The following DPP6 variants were observed in gnomAD, a reference collection of about 807,000 sequenced individuals.
DPP6 encodes dipeptidyl peptidase like 6.
In DPP6, 69 loss-of-function variants were observed where a neutral mutation model predicts 122.6. The ratio of observed to expected loss-of-function variants is 0.56; its 90% CI spans 0.46 to 0.69. The LOEUF is 0.69. Ranked by LOEUF, DPP6 falls within the 30% of genes least tolerant of loss-of-function variation. The pLI, the probability that DPP6 is intolerant of heterozygous loss-of-function variation, is 0.00. For missense variants in DPP6, 928 were observed against 1,116.9 expected (o/e 0.83, Z 2.41); for synonymous variants, 418 against 433.1 (o/e 0.97, Z 0.43).
intron 1 of DPP6, among the ~76,000 whole-genome samples, chr7:154,236,135 G>A (rs546048323): frequency 2.0e-5 from 3 of 152,252 alleles, no homozygotes; most frequent in African/African-American, 7.2e-5. Context: ...TTACAGATGT[G>A]AGCCACTGTG....
chr7:154,113,137 G>C (rs1159525594), intron 1 of DPP6, among the ~76,000 whole-genome samples: 1 of 152,220 alleles, frequency 6.6e-6, no homozygotes, highest in Non-Finnish European at 1.5e-5. Context: ...TGAGCATTTA[G>C]ATGGTTTCCA....
chr7:154,751,089 C>G (rs981831150), intron 8 of DPP6, among the ~76,000 whole-genome samples: 14 of 152,276 alleles, frequency 9.2e-5, no homozygotes, highest in Middle Eastern at 3.4e-3. Context: ...GCACCAAAAT[C>G]ATGGAGGTGT....
intron 8 of DPP6, among the ~76,000 whole-genome samples, chr7:154,732,120 G>T (rs2131379354): frequency 6.6e-6 from 1 of 151,820 alleles, no homozygotes; most frequent in Middle Eastern, 3.4e-3. Flanking sequence ...CTCACTGCAA[G>T]CTCCGCCTCC....
the DPP6 span, among the ~76,000 whole-genome samples, chr7:153,776,111 C>T: frequency 6.6e-6 from 1 of 152,018 alleles, no homozygotes; most frequent in African/African-American, 2.4e-5. Context: ...TAACTACCCA[C>T]AAAATTGGAA....
At chr7:154,479,557 C>CAAAAAAAA (rs35103324) in intron 3 of DPP6, among the ~76,000 whole-genome samples, 3 of 91,212 alleles carry the variant, frequency 3.3e-5, no homozygotes, top group Non-Finnish European at 4.2e-5. Flanking sequence ...GACTCCATCT[C>CAAAAAAAA]AAAAAAAAAA....
At chr7:154,295,677 C>T (rs1805492251) in intron 1 of DPP6, among the ~76,000 whole-genome samples, 1 of 152,146 alleles carries the variant, frequency 6.6e-6, no homozygotes, top group Non-Finnish European at 1.5e-5. Context: ...CTTCCCCTCC[C>T]TACCCTCAGT....
the DPP6 span, among the ~76,000 whole-genome samples, chr7:153,793,149 T>C: frequency 1.2e-3 from 183 of 152,092 alleles, no homozygotes; most frequent in African/African-American, 4.2e-3. Flanking sequence ...GGAAGTGACA[T>C]TGGAACTGGG....
At chr7:154,425,535 G>C (rs2201135) in intron 1 of DPP6, among the ~76,000 whole-genome samples, 118,214 of 151,576 alleles carry the variant, frequency 0.78, 46,172 homozygotes, top group East Asian at 0.86. Context: ...GTTGATACAT[G>C]CAGGAGTGTG....
At chr7:154,292,780 A>G (rs905441581) in intron 1 of DPP6, among the ~76,000 whole-genome samples, 28 of 152,326 alleles carry the variant, frequency 1.8e-4, no homozygotes, top group African/African-American at 6.7e-4. Flanking sequence ...CCAATAGCTC[A>G]TAGGAAATCG....
At chr7:154,594,868 G>T (rs1832998835) in intron 5 of DPP6, among the ~76,000 whole-genome samples, 1 of 152,184 alleles carries the variant, frequency 6.6e-6, no homozygotes, top group African/African-American at 2.4e-5. Flanking sequence ...CCTGTCTCTA[G>T]AGAGGCAGCA....
intron 1 of DPP6, among the ~76,000 whole-genome samples, chr7:154,319,867 T>A (rs1381621379): frequency 6.6e-6 from 1 of 151,804 alleles, no homozygotes; most frequent in African/African-American, 2.4e-5. Context: ...GGTGGGTGCC[T>A]GTAATCCCAG....
chr7:154,523,392 T>C (rs1827154576), intron 3 of DPP6, among the ~76,000 whole-genome samples: 5 of 152,170 alleles, frequency 3.3e-5, no homozygotes, highest in Admixed American at 3.3e-4. Flanking sequence ...TAAACATAAA[T>C]TATACTCTCA....
At chr7:154,356,711 AT>A (rs1811298274) in intron 1 of DPP6, among the ~76,000 whole-genome samples, 1 of 152,224 alleles carries the variant, frequency 6.6e-6, no homozygotes, top group African/African-American at 2.4e-5. Context: ...AAACAAAATA[AT>A]AATTCCGGAA....
chr7:154,795,213 A>G (rs1444878540), intron 11 of DPP6, among the ~76,000 whole-genome samples: 1 of 152,108 alleles, frequency 6.6e-6, no homozygotes, highest in South Asian at 2.1e-4. Context: ...GCTATAACCC[A>G]TGACAGAGGC....
chr7:154,457,190 A>G lies in DPP6; in HGVS notation c.358+10862A>G, dbSNP rs1299652530. ...ATGAACAGACACTTCTCAAAAGAAG[A>G]CATTTATGCAGCCAAAAAACACATG... On this transcript the variant is annotated intron_variant, in intron 2 of 25. Coordinates refer to ENST00000377770, the MANE Select transcript of DPP6 (RefSeq NM_130797.4). Among the ~76,000 whole-genome samples, 2 of 73,064 alleles carry G rather than the reference A, an allele frequency of 2.7e-5. 1 individual carries two copies. Among genetic ancestry groups the G allele is most frequent in the Non-Finnish European group, 5.5e-5 (2 of 36,186 alleles). The allele number at this position is 73,064 out of a possible 152,430, so 47.9% of individuals were successfully genotyped here.
At chr7:153,924,266 G>C (rs572134364) in intron 1 of DPP6, among the ~76,000 whole-genome samples, 1 of 151,780 alleles carries the variant, frequency 6.6e-6, no homozygotes, top group African/African-American at 2.4e-5. Context: ...ATGTCACCAC[G>C]CTCAACTAAT....
chr7:154,022,377 AC>A (rs1798745661), intron 1 of DPP6, among the ~76,000 whole-genome samples: 2 of 152,322 alleles, frequency 1.3e-5, no homozygotes, highest in Non-Finnish European at 1.5e-5. Context: ...AGAGTAGGGG[AC>A]ACTTGCATTT....
intron 1 of DPP6, among the ~76,000 whole-genome samples, chr7:154,373,122 A>G (rs1006285450): frequency 1.3e-5 from 2 of 152,150 alleles, no homozygotes; most frequent in African/African-American, 2.4e-5. Flanking sequence ...AAAAATTCCA[A>G]GTATGAGCAA....
At chr7:154,236,979 CCT>C (rs1383985396) in intron 1 of DPP6, among the ~76,000 whole-genome samples, 5 of 152,212 alleles carry the variant, frequency 3.3e-5, no homozygotes, top group Non-Finnish European at 7.3e-5. Context: ...TTACTCACCC[CCT>C]GTGTCTCATC....
Sources: gnomAD v4.1 joint callset for allele counts (sites outside exome capture counted in the v4.1 genomes callset) on GRCh38, gnomAD v4.1.1 for gene constraint, MANE v1.5 for transcripts, NCBI Gene and HGNC (gene_info 2026-07-23, HGNC 2026-07-21) for gene names.